WDR72: variants seen among roughly 807,000 people sequenced by gnomAD.
WDR72 encodes WD repeat domain 72, also known as WD repeat-containing protein 72.
WDR72 carries 120 observed loss-of-function variants against 124.2 expected under a neutral mutation model. The observed-to-expected ratio is 0.97, with a 90% CI of 0.83 to 1.12. The LOEUF (loss-of-function observed/expected upper bound fraction) is 1.12. Among genes scored for constraint, WDR72 ranks in the 50% most tolerant of loss-of-function variants. The pLI, the probability that WDR72 is intolerant of heterozygous loss-of-function variation, is 0.00. For synonymous variants in WDR72, 452 were observed against 441.7 expected (o/e 1.02, Z -0.29); for missense variants, 1,387 against 1,278.8 (o/e 1.08, Z -1.29).
chr15:53,549,495 CA>C (rs1394047908), intron 18 of WDR72, among the ~76,000 whole-genome samples: 2 of 152,144 alleles, frequency 1.3e-5, no homozygotes, highest in Non-Finnish European at 2.9e-5. Flanking sequence ...ATTTATCGAC[CA>C]GAAAATTTAA....
chr15:53,673,234 T>G (rs1567018567), intron 13 of WDR72, among the ~76,000 whole-genome samples: 2 of 152,212 alleles, frequency 1.3e-5, no homozygotes, highest in Non-Finnish European at 2.9e-5. Context: ...TGAATAGCTT[T>G]AAATTACATA....
chr15:53,627,518 A>G (rs924526971), intron 14 of WDR72, among the ~76,000 whole-genome samples: 4 of 152,236 alleles, frequency 2.6e-5, no homozygotes, highest in African/African-American at 9.6e-5. Flanking sequence ...GTCATAACCA[A>G]TGCCATTGAC....
At chr15:53,633,780 A>G (rs2014521323) in intron 14 of WDR72, among the ~76,000 whole-genome samples, 1 of 152,234 alleles carries the variant, frequency 6.6e-6, no homozygotes, top group African/African-American at 2.4e-5. Context: ...TAAAGCATGT[A>G]TGTGTAAAAA....
chr15:53,752,639 G>C (rs773296361), intron 1 of WDR72, among the ~76,000 whole-genome samples: 1 of 152,200 alleles, frequency 6.6e-6, no homozygotes, highest in East Asian at 1.9e-4. Flanking sequence ...ACACATTTCT[G>C]TTGTGTAAGT....
Position 53,567,202 on chromosome 15 carries a change from A to T in WDR72, c.3148+29877T>A, listed in dbSNP as rs1403903260. Among the ~76,000 whole-genome samples the T allele has an allele frequency of 2.6e-5, 4 of 152,016 alleles. 1 individual carries two copies. Among genetic ancestry groups the T allele is most frequent in the Non-Finnish European group, 5.9e-5 (4 of 67,966 alleles). ...CATGTGTTGGGAAATCAGTCTTGTTATATTTTCCCTGTAAATCCTTCCAGG... is the reference window on the plus strand; with the variant it reads ...CATGTGTTGGGAAATCAGTCTTGTTTTATTTTCCCTGTAAATCCTTCCAGG... On this transcript the variant is annotated intron_variant, in intron 18 of 19. Transcript: ENST00000360509.
chr15:53,546,868 T>C (rs1893495675), intron 18 of WDR72, among the ~76,000 whole-genome samples: 1 of 152,192 alleles, frequency 6.6e-6, no homozygotes. Flanking sequence ...ATGCTCAGTC[T>C]ATACAAATTA....
At chr15:53,532,609 AGAGAG>A (rs1892543179) in intron 18 of WDR72, among the ~76,000 whole-genome samples, 1 of 148,656 alleles carries the variant, frequency 6.7e-6, no homozygotes, top group Non-Finnish European at 1.5e-5. Context: ...TCTTAGAGAT[AGAGAG>A]TAGAATGATG....
intron 18 of WDR72, among the ~76,000 whole-genome samples, chr15:53,550,009 C>G (rs1482657689): frequency 6.6e-6 from 1 of 152,154 alleles, no homozygotes; most frequent in Non-Finnish European, 1.5e-5. Flanking sequence ...ATAATATAAG[C>G]TCCAGAAAGC....
chr15:53,580,270 A>G (rs1451786023), intron 18 of WDR72, among the ~76,000 whole-genome samples: 2 of 152,162 alleles, frequency 1.3e-5, no homozygotes, highest in African/African-American at 4.8e-5. Flanking sequence ...AGTGAAAATA[A>G]TAATTTCATT....
At chr15:53,642,129 C>G (rs1026911143) in intron 14 of WDR72, among the ~76,000 whole-genome samples, 10 of 152,008 alleles carry the variant, frequency 6.6e-5, no homozygotes, top group Middle Eastern at 3.4e-3. Flanking sequence ...ATGTGAGTAA[C>G]CACCCTTCTT....
intron 14 of WDR72, among the ~76,000 whole-genome samples, chr15:53,647,159 G>A (rs2015072325): frequency 6.6e-6 from 1 of 152,056 alleles, no homozygotes; most frequent in South Asian, 2.1e-4. Context: ...TGGAAAAGAT[G>A]TGTTCAATTG....
rs150813534 is a variant in WDR72 at position 53,606,257 on chromosome 15, A to T, written c.2952+3256T>A. Among the ~76,000 whole-genome samples the T allele has an allele frequency of 3.8e-3, 582 of 152,250 alleles. 1 individual carries two copies. Among genetic ancestry groups the T allele is most frequent in the African/African-American group, 0.013 (557 of 41,552 alleles). On this transcript the variant is annotated intron_variant, in intron 17 of 19. Coordinates refer to ENST00000360509, the MANE Select transcript of WDR72 (RefSeq NM_182758.4). ...TTCTGCTGAATCCTTCTTTTTAATA[A>T]TTTTTTCCCCATTTAGGAATTTTTT...
chr15:53,667,855 C>T (rs2015833153), intron 13 of WDR72, among the ~76,000 whole-genome samples: 2 of 152,150 alleles, frequency 1.3e-5, no homozygotes, highest in African/African-American at 4.8e-5. Flanking sequence ...TACCTAATGT[C>T]TTACCCAAAT....
chr15:53,736,542 G>A (rs1332947691), intron 1 of WDR72, among the ~76,000 whole-genome samples: 2 of 152,166 alleles, frequency 1.3e-5, no homozygotes. Flanking sequence ...GCTTGGGCAG[G>A]GTGAGGAGGA....
At chr15:53,719,345 T>C (rs2017806911) in intron 3 of WDR72, among the ~76,000 whole-genome samples, 1 of 152,196 alleles carries the variant, frequency 6.6e-6, no homozygotes, top group Non-Finnish European at 1.5e-5. Flanking sequence ...CCTAGATATT[T>C]GTCTTATACT....
At chr15:53,697,725 T>G (rs1331328193) in intron 13 of WDR72, among the ~76,000 whole-genome samples, 1 of 152,198 alleles carries the variant, frequency 6.6e-6, no homozygotes, top group Non-Finnish European at 1.5e-5. Context: ...AAATACAATA[T>G]AGACTAAAAT....
intron 18 of WDR72, among the ~76,000 whole-genome samples, chr15:53,579,604 T>G (rs1206786021): frequency 6.6e-6 from 1 of 151,998 alleles, no homozygotes; most frequent in Non-Finnish European, 1.5e-5. Flanking sequence ...AAGAGTCAGG[T>G]GTGAAATACT....
At chr15:53,627,987 T>C (rs926867596) in intron 14 of WDR72, among the ~76,000 whole-genome samples, 7 of 152,214 alleles carry the variant, frequency 4.6e-5, no homozygotes, top group Non-Finnish European at 7.4e-5. Flanking sequence ...AGTATACCAC[T>C]TTCTACTTTC....
At chr15:53,679,985 ATAAAT>A (rs2016322450) in intron 13 of WDR72, among the ~76,000 whole-genome samples, 1 of 152,166 alleles carries the variant, frequency 6.6e-6, no homozygotes, top group African/African-American at 2.4e-5. Context: ...ACTTAGTGAA[ATAAAT>A]AACCTTATGC....
Sources: allele counts gnomAD v4.1 joint callset (sites outside exome capture counted in the v4.1 genomes callset), GRCh38; gene constraint gnomAD v4.1.1; transcripts MANE v1.5; gene names NCBI Gene and HGNC (gene_info 2026-07-23, HGNC 2026-07-21).